The following ANKRD6 variants were observed in gnomAD, a reference collection of about 807,000 sequenced individuals.
ANKRD6 encodes ankyrin repeat domain 6, also known as ankyrin repeat domain-containing protein 6.
A neutral mutation model predicts 82.3 loss-of-function variants in ANKRD6; 56 were observed. The ratio of observed to expected loss-of-function variants is 0.68; its 90% CI spans 0.55 to 0.85. ANKRD6 has a LOEUF of 0.85. Ranked by LOEUF, ANKRD6 falls within the 40% of genes least tolerant of loss-of-function variation. The probability of loss-of-function intolerance (pLI) is 0.00; values close to 1 mark genes in which losing one functional copy is unlikely to be tolerated. For missense variants in ANKRD6, 852 were observed against 907.6 expected (o/e 0.94, Z 0.79); for synonymous variants, 347 against 352.1 (o/e 0.99, Z 0.16).
chr6:89,488,359 A>T (rs1777610085), intron 1 of ANKRD6, among the ~76,000 whole-genome samples: 1 of 152,198 alleles, frequency 6.6e-6, no homozygotes, highest in Admixed American at 6.5e-5. Flanking sequence ...CTGAGGCAGG[A>T]GGATTGCTTG....
intron 1 of ANKRD6, among the ~76,000 whole-genome samples, chr6:89,470,172 A>G (rs1022003202): frequency 6.6e-6 from 1 of 152,216 alleles, no homozygotes; most frequent in African/African-American, 2.4e-5. Context: ...ACAATTTTGT[A>G]TCAATGAAAT....
At chr6:89,584,417 CTTTCT>C (rs1793269947) in intron 2 of ANKRD6, among the ~76,000 whole-genome samples, 1 of 152,168 alleles carries the variant, frequency 6.6e-6, no homozygotes, top group Non-Finnish European at 1.5e-5. Context: ...TTTTTCTTTT[CTTTCT>C]TTTAAGTTAT....
At chr6:89,463,031 T>TA (rs1200184077) in intron 1 of ANKRD6, among the ~76,000 whole-genome samples, 5 of 151,986 alleles carry the variant, frequency 3.3e-5, no homozygotes, top group Non-Finnish European at 7.4e-5. Context: ...GCTAATTTTT[T>TA]AAAAAATTCT....
At position 89,606,007 on chromosome 6, in the gene ANKRD6, G is replaced by A. The variant is rs1441388925; in HGVS notation, c.319G>A (p.Asp107Asn). The A allele has an allele frequency of 6.3e-7, 1 of 1,579,586 alleles. No homozygotes were observed. The highest frequency in any genetic ancestry group is 8.6e-7 in the Non-Finnish European group (1 of 1,158,686). ...TTTCCCACCTGTGTGTCTTCCTTAG[G>A]ATGGGAATACAGCCTTGCATGAAGC... ...EGCALDRQDK[D>N]GNTALHEASW... Residue 107 changes from aspartate to asparagine, a missense_variant and splice_region_variant, in exon 5 of 16, where the codon GAT (aspartate) becomes AAT (asparagine). Physicochemically the swap from Asp to Asn is conservative, Grantham distance 23 (BLOSUM62 1). Coordinates refer to ENST00000339746, the MANE Select transcript of ANKRD6 (RefSeq NM_001242809.2).
At chr6:89,523,610 A>T (rs890586123) in intron 1 of ANKRD6, among the ~76,000 whole-genome samples, 1 of 152,156 alleles carries the variant, frequency 6.6e-6, no homozygotes, top group Non-Finnish European at 1.5e-5. Flanking sequence ...CCATAAGTCC[A>T]GTATTTCCTT....
rs552078651 is a variant in ANKRD6 at position 89,601,334 on chromosome 6, T to C, written c.220-1695T>C. On this transcript the variant is annotated intron_variant, in intron 3 of 15. Coordinates refer to ENST00000339746, the MANE Select transcript of ANKRD6 (RefSeq NM_001242809.2). ...GGTGGCAGTGCTGAGGACAGTGATC[T>C]GTCCTCAGTGTCCTGACCCCCCCTC... Among the ~76,000 whole-genome samples the C allele has an allele frequency of 2.6e-5, 4 of 152,266 alleles. No individual in the cohort carries two copies. In the South Asian group the frequency reaches 6.2e-4, roughly 24 times the overall value.
At chr6:89,475,721 G>A (rs139511242) in intron 1 of ANKRD6, among the ~76,000 whole-genome samples, 26 of 152,304 alleles carry the variant, frequency 1.7e-4, no homozygotes, top group East Asian at 1.4e-3. Flanking sequence ...TACATGTGTG[G>A]CATTGTTTTC....
chr6:89,470,833 G>A (rs1474394473), intron 1 of ANKRD6, among the ~76,000 whole-genome samples: 1 of 152,048 alleles, frequency 6.6e-6, no homozygotes, highest in Non-Finnish European at 1.5e-5. Flanking sequence ...TATTCTAGGT[G>A]CTGTTAATGC....
At position 89,612,293 on chromosome 6, in the gene ANKRD6, C is replaced by G. The variant is rs542360344; in HGVS notation, c.439C>G (p.Leu147Val). The G allele has an allele frequency of 1.9e-6, 3 of 1,560,552 alleles. No individual in the cohort carries two copies. Among genetic ancestry groups the G allele is most frequent in the African/African-American group, 1.4e-5 (1 of 73,662 alleles). The change falls in exon 6 of 16, where the codon CTG (leucine) becomes GTG (valine). Residue 147 changes from leucine to valine, a missense_variant. By Grantham distance (32) the Leu-to-Val change is conservative. Transcript: ENST00000339746. ...KNKAGNTALHLACQNSHSQST... is the reference protein window; with the variant it reads ...KNKAGNTALHVACQNSHSQST... ...CAAGGCGGGGAACACAGCTCTGCAC[C>G]TGGCCTGCCAGAACAGCCACTCCCA...
At chr6:89,461,480 AAG>A (rs1774130629) in intron 1 of ANKRD6, among the ~76,000 whole-genome samples, 1 of 152,172 alleles carries the variant, frequency 6.6e-6, no homozygotes, top group African/African-American at 2.4e-5. Context: ...AGTGAGAAGT[AAG>A]AGATTCATGG....
intron 1 of ANKRD6, among the ~76,000 whole-genome samples, chr6:89,536,667 A>T (rs921955518): frequency 7.9e-5 from 12 of 152,246 alleles, no homozygotes; most frequent in Non-Finnish European, 1.2e-4. Flanking sequence ...GTGCGCTGTC[A>T]TAAGCACATT....
In ANKRD6 at chr6:89,631,110, CT is replaced by C; in HGVS notation, c.*111del. ...ACTATTGTATATATTGCAGATTTGC[CT>C]TTTTAAAAAAATCACTAATTCTACA... On this transcript the variant is annotated 3_prime_UTR_variant, in exon 16 of 16. Coordinates refer to ENST00000339746, the MANE Select transcript of ANKRD6 (RefSeq NM_001242809.2). The C allele has an allele frequency of 7.1e-7, 1 of 1,402,692 alleles. No homozygotes were observed. The highest frequency in any genetic ancestry group is 9.2e-7 in the Non-Finnish European group (1 of 1,082,830). 86.9% of individuals were successfully genotyped at this position (1,402,692 alleles called of 1,614,324 possible).
chr6:89,434,385 G>T (rs1770360172), intron 1 of ANKRD6, among the ~76,000 whole-genome samples: 2 of 152,152 alleles, frequency 1.3e-5, no homozygotes, highest in South Asian at 4.1e-4. Flanking sequence ...AAAGAACTTG[G>T]GCAATGAAGA....
intron 2 of ANKRD6, among the ~76,000 whole-genome samples, chr6:89,586,471 A>G (rs1337838650): frequency 6.6e-6 from 1 of 151,860 alleles, no homozygotes; most frequent in Non-Finnish European, 1.5e-5. Context: ...GGCGGATCAC[A>G]AGGTCAAGAG....
intron 2 of ANKRD6, among the ~76,000 whole-genome samples, chr6:89,567,906 C>T (rs1788893404): frequency 6.6e-6 from 1 of 152,190 alleles, no homozygotes; most frequent in Non-Finnish European, 1.5e-5. Context: ...CTCCAGTCCT[C>T]CCCAGAAAGA....
At chr6:89,588,961 C>A (rs1032583027) in intron 2 of ANKRD6, among the ~76,000 whole-genome samples, 5 of 144,906 alleles carry the variant, frequency 3.5e-5, no homozygotes, top group Admixed American at 1.4e-4. Flanking sequence ...CCACTGCACT[C>A]CAGCCTGGGT....
intron 1 of ANKRD6, among the ~76,000 whole-genome samples, chr6:89,475,855 C>A (rs1775975595): frequency 6.6e-6 from 1 of 152,178 alleles, no homozygotes; most frequent in Non-Finnish European, 1.5e-5. Flanking sequence ...GTGAAACCAA[C>A]CATGAGTTGA....
rs950345772 is a variant in ANKRD6 at position 89,632,244 on chromosome 6, G to T, written c.*1240G>T. 6.6e-6 allele frequency: 1 copy of T among 152,138 alleles called. No individual in the cohort carries two copies. The highest frequency in any genetic ancestry group is 1.5e-5 in the Non-Finnish European group (1 of 68,014). The allele number at this position is 152,138 out of a possible 1,614,324, so 9.4% of individuals were successfully genotyped here. A position where few individuals can be genotyped will look rare whatever the true frequency, so the allele number is the denominator to read the frequency against. On this transcript the variant is annotated 3_prime_UTR_variant, in exon 16 of 16. Transcript: ENST00000339746. ...GCTCATTGAGCCAAAGAGAAGAAAT[G>T]ATTTATTAACATGGGGACACCAAGA...
At chr6:89,486,626 T>A (rs548628918) in intron 1 of ANKRD6, among the ~76,000 whole-genome samples, 24 of 152,242 alleles carry the variant, frequency 1.6e-4, no homozygotes, top group African/African-American at 5.3e-4. Context: ...AAAAATTTTT[T>A]AAATATATTT....
Sources: gnomAD v4.1 joint callset for allele counts (sites outside exome capture counted in the v4.1 genomes callset) on GRCh38, gnomAD v4.1.1 for gene constraint, MANE v1.5 for transcripts, NCBI Gene and HGNC (gene_info 2026-07-23, HGNC 2026-07-21) for gene names.